The following CDKL3 variants were observed in gnomAD, a reference collection of about 807,000 sequenced individuals.
CDKL3 encodes cyclin-dependent kinase-like 3.
CDKL3 carries 65 observed loss-of-function variants against 69.3 expected under a neutral mutation model. The ratio of observed to expected loss-of-function variants is 0.94; its 90% confidence interval spans 0.77 to 1.15. The LOEUF (loss-of-function observed/expected upper bound fraction) is 1.15. Among genes scored for constraint, CDKL3 ranks in the 50% most tolerant of loss-of-function variants. The pLI is 0.00. For synonymous variants in CDKL3, 202 were observed against 221.6 expected (o/e 0.91, Z 0.79); for missense variants, 652 against 689.2 (o/e 0.95, Z 0.61).
At chr5:134,340,859 A>C (rs1253338306) in intron 4 of CDKL3, among the ~76,000 whole-genome samples, 1 of 152,184 alleles carries the variant, frequency 6.6e-6, no homozygotes, top group Admixed American at 6.5e-5. Context: ...ATTTTTTAAA[A>C]CCAGTATTTC....
chr5:134,355,033 T>C (rs780156328), intron 3 of CDKL3, among the ~76,000 whole-genome samples: 1 of 150,984 alleles, frequency 6.6e-6, no homozygotes, highest in Non-Finnish European at 1.5e-5. Flanking sequence ...GGCAGGAAGA[T>C]CACTTGAACT....
downstream of CDKL3, among the ~76,000 whole-genome samples, chr5:134,293,764 C>T (rs992700714): frequency 6.6e-6 from 1 of 152,028 alleles, no homozygotes; most frequent in African/African-American, 2.4e-5. Context: ...TGTGCCACTG[C>T]ATTCCAGCCT....
At chr5:134,350,639 G>A (rs1173597544) in intron 3 of CDKL3, among the ~76,000 whole-genome samples, 1 of 151,810 alleles carries the variant, frequency 6.6e-6, no homozygotes, top group African/African-American at 2.4e-5. Flanking sequence ...TAAGAAAACA[G>A]ACATAATACT....
At chr5:134,338,810 C>T (rs1372894583) in intron 4 of CDKL3, among the ~76,000 whole-genome samples, 1 of 151,938 alleles carries the variant, frequency 6.6e-6, no homozygotes, top group South Asian at 2.1e-4. Context: ...CAACATGAGA[C>T]AAACACAAAA....
chr5:134,367,246 T>C (rs967104635), upstream of CDKL3: 2 of 985,054 alleles, frequency 2.0e-6, no homozygotes, highest in Non-Finnish European at 1.2e-6. Flanking sequence ...GGAAACCTAC[T>C]CTGGGTAGGC....
intron 8 of CDKL3, among the ~76,000 whole-genome samples, chr5:134,292,149 T>A (rs1305769603): frequency 6.6e-6 from 1 of 152,194 alleles, no homozygotes; most frequent in Admixed American, 6.5e-5. Context: ...TATGGAATGC[T>A]ACACCCATTT....
chr5:134,290,896 CA>C (rs1561483570), intron 8 of CDKL3, among the ~76,000 whole-genome samples: 1 of 151,888 alleles, frequency 6.6e-6, no homozygotes. Flanking sequence ...AACTGAAGAA[CA>C]AGAAACTGAA....
intron 6 of CDKL3, among the ~76,000 whole-genome samples, chr5:134,317,442 C>G (rs1400935049): frequency 6.6e-6 from 1 of 152,204 alleles, no homozygotes; most frequent in Non-Finnish European, 1.5e-5. Flanking sequence ...GCACGAGCCA[C>G]TGCACCTAGC....
chr5:134,355,509 G>C (rs1754383401), intron 3 of CDKL3, among the ~76,000 whole-genome samples: 1 of 152,182 alleles, frequency 6.6e-6, no homozygotes, highest in Non-Finnish European at 1.5e-5. Context: ...AAGGTATTGT[G>C]TTAAGAGGAA....
chr5:134,309,210 G>A (rs1768720638), intron 7 of CDKL3, among the ~76,000 whole-genome samples: 1 of 152,144 alleles, frequency 6.6e-6, no homozygotes, highest in South Asian at 2.1e-4. Flanking sequence ...AGCCTCCTGA[G>A]TAGCTGGGAT....
At chr5:134,331,381 G>A (rs1408844838) in intron 4 of CDKL3, among the ~76,000 whole-genome samples, 1 of 151,988 alleles carries the variant, frequency 6.6e-6, no homozygotes, top group African/African-American at 2.4e-5. Flanking sequence ...AGGTATATGT[G>A]TGCCATGTTG....
At chr5:134,318,457 T>C (rs1771773004) in intron 6 of CDKL3, among the ~76,000 whole-genome samples, 1 of 152,050 alleles carries the variant, frequency 6.6e-6, no homozygotes. Context: ...ATAAATACAG[T>C]AAGTCCTTAG....
downstream of CDKL3, among the ~76,000 whole-genome samples, chr5:134,297,005 T>G (rs934120724): frequency 4.0e-5 from 6 of 148,600 alleles, no homozygotes; most frequent in African/African-American, 1.5e-4. Context: ...CAGGCTGGAG[T>G]GCAGTGGCCC....
At chr5:134,316,611 A>T (rs1464065593) in intron 6 of CDKL3, among the ~76,000 whole-genome samples, 4 of 151,902 alleles carry the variant, frequency 2.6e-5, no homozygotes, top group Admixed American at 6.6e-5. Flanking sequence ...AAAAAAAAAA[A>T]TTTTATTGTC....
intron 4 of CDKL3, among the ~76,000 whole-genome samples, chr5:134,335,141 C>CTT (rs374206722): frequency 2.4e-3 from 324 of 136,030 alleles, no homozygotes; most frequent in African/African-American, 7.7e-3. Context: ...TCAACCTCTG[C>CTT]TTTTTTTTTT....
At chr5:134,335,647 G>GC (rs756507552) in intron 4 of CDKL3, among the ~76,000 whole-genome samples, 75 of 152,026 alleles carry the variant, frequency 4.9e-4, no homozygotes, top group Non-Finnish European at 1.0e-3. Flanking sequence ...TTGAATATTG[G>GC]CCCCCACTCT....
downstream of CDKL3, among the ~76,000 whole-genome samples, chr5:134,296,245 G>C (rs1039990316): frequency 2.6e-5 from 4 of 152,136 alleles, no homozygotes; most frequent in African/African-American, 7.2e-5. Flanking sequence ...AGACCACCAA[G>C]ATGGCTAAAT....
chr5:134,338,490 G>A (rs1430177139), intron 4 of CDKL3, among the ~76,000 whole-genome samples: 2 of 151,662 alleles, frequency 1.3e-5, no homozygotes, highest in Non-Finnish European at 2.9e-5. Context: ...AGGAGTTCGA[G>A]ACCAGCCTGG....
At chr5:134,298,219 C>A (rs1580766392), downstream of CDKL3, 1 of 979,864 alleles carries the variant, frequency 1.0e-6, no homozygotes, top group South Asian at 4.7e-5. Context: ...CAGGCATGAG[C>A]CATTGCACCC....
Sources: allele counts gnomAD v4.1 joint callset (sites outside exome capture counted in the v4.1 genomes callset), GRCh38; gene constraint gnomAD v4.1.1; transcripts MANE v1.5; gene names NCBI Gene and HGNC (gene_info 2026-07-23, HGNC 2026-07-21).